Variants in SLC1A6 observed in about 807,000 individuals in gnomAD.
SLC1A6 encodes excitatory amino acid transporter 4.
Under a neutral mutation model 42.1 loss-of-function variants are expected in SLC1A6, and 15 were observed. The observed-to-expected ratio is 0.36, with a 90% CI of 0.24 to 0.55. SLC1A6 has a LOEUF of 0.55. Among genes scored for constraint, SLC1A6 ranks in the 20% least tolerant of loss-of-function variants. The pLI is 0.88. For synonymous variants in SLC1A6, 317 were observed against 319.7 expected (o/e 0.99, Z 0.09); for missense variants, 542 against 772.5 (o/e 0.70, Z 3.54).
chr19:14,993,336 G>C (rs746241213), intron 1 of SLC1A6, among the ~76,000 whole-genome samples: 2 of 151,966 alleles, frequency 1.3e-5, no homozygotes, highest in Non-Finnish European at 2.9e-5. Flanking sequence ...TCCTTCTGGG[G>C]GGGTGAAAGC....
In SLC1A6 at chr19:15,010,522, G is replaced by A. The variant is rs567195833; in HGVS notation, c.-32C>T. On this transcript the variant is annotated 5_prime_UTR_variant, in exon 1 of 9. Coordinates refer to the SLC1A6 transcript ENST00000430939. ...GAGTGTGACCTGGACAGCTGGAAGC[G>A]CTTAGGACATCCTAAAGCTGGAAGA... The A allele has an allele frequency of 5.9e-5, 36 of 607,890 alleles. No homozygotes were observed. In the East Asian group the frequency reaches 8.7e-4, roughly 15 times the overall value. 37.7% of individuals were successfully genotyped at this position (607,890 alleles called of 1,614,324 possible).
At chr19:15,002,570 C>T (rs2045876976) in intron 1 of SLC1A6, among the ~76,000 whole-genome samples, 1 of 152,214 alleles carries the variant, frequency 6.6e-6, no homozygotes, top group South Asian at 2.1e-4. Context: ...AGTGACACAT[C>T]AGGTCCAGCC....
intron 9 of SLC1A6, 97 bp downstream of exon 9, chr19:14,952,831 C>A: frequency 6.9e-7 from 1 of 1,446,718 alleles, no homozygotes; most frequent in South Asian, 1.6e-5. Flanking sequence ...ACCACTGCAT[C>A]TTTGCTGGAA....
At chr19:14,996,891 A>T (rs964232998) in intron 1 of SLC1A6, among the ~76,000 whole-genome samples, 2 of 151,950 alleles carry the variant, frequency 1.3e-5, no homozygotes, top group Non-Finnish European at 2.9e-5. Flanking sequence ...CTTGCTCTGC[A>T]CCCCAGGTGG....
intron 1 of SLC1A6, among the ~76,000 whole-genome samples, chr19:15,002,765 G>A (rs530937120): frequency 6.6e-6 from 1 of 152,178 alleles, no homozygotes; most frequent in Non-Finnish European, 1.5e-5. Flanking sequence ...CACAGGGGAG[G>A]GGATTCAAGT....
chr19:15,010,144 C>T (rs376745808), intron 1 of SLC1A6, among the ~76,000 whole-genome samples: 4 of 147,548 alleles, frequency 2.7e-5, no homozygotes, highest in African/African-American at 7.5e-5. Context: ...CCAGCTCGCA[C>T]CACTGCACTC....
intron 1 of SLC1A6, among the ~76,000 whole-genome samples, chr19:15,008,456 T>C (rs564040159): frequency 2.0e-5 from 3 of 152,278 alleles, no homozygotes; most frequent in African/African-American, 7.2e-5. Flanking sequence ...TATACACTGT[T>C]GGTGGGGATG....
chr19:14,956,846 C>T, intron 6 of SLC1A6, 137 bp from the exon 7 acceptor site: 1 of 594,932 alleles, frequency 1.7e-6, no homozygotes, highest in South Asian at 2.1e-5. Flanking sequence ...CTACTCCATC[C>T]CAGTCTTCCC....
rs757424349 is a variant in SLC1A6, at chr19:14,962,356, G to C, written c.592-11C>G. On this transcript the variant is annotated splice_polypyrimidine_tract_variant and intron_variant, in intron 5 of 9. Transcript: ENST00000594383. ...GTACTGCGTCTTGAACTGAAATAGA[G>C]AGAGATTGCGCCCAGATTCAATTCA... 1.1e-5 allele frequency: 18 copies of C among 1,598,604 alleles called. No homozygotes were observed. Among genetic ancestry groups the C allele is most frequent in the African/African-American group, 4.0e-5 (3 of 74,576 alleles).
At chr19:14,961,911 A>T in intron 6 of SLC1A6, 91 bp downstream of exon 6, 1 of 1,505,076 alleles carries the variant, frequency 6.6e-7, no homozygotes, top group Non-Finnish European at 8.8e-7. Flanking sequence ...ATGAATGACC[A>T]AAAGTCCCCA....
At chr19:14,987,027 A>G (rs2045796152) in intron 1 of SLC1A6, among the ~76,000 whole-genome samples, 1 of 152,168 alleles carries the variant, frequency 6.6e-6, no homozygotes, top group South Asian at 2.1e-4. Context: ...TAACACAGTG[A>G]AAAAAGGCAA....
Position 14,971,825 on chromosome 19 carries a change from C to T in SLC1A6, c.255G>A (p.Gln85=). 6.2e-7 allele frequency: 1 copy of T among 1,614,206 alleles called. No homozygotes were observed. Among genetic ancestry groups the T allele is most frequent in the Non-Finnish European group, 8.5e-7 (1 of 1,180,036 alleles). Residue 85 remains glutamine (Q), a synonymous_variant, in exon 3 of 10, where the codon CAG becomes CAA. Coordinates refer to ENST00000594383, the MANE Select transcript of SLC1A6 (RefSeq NM_005071.3). ...CTCCAGGAAAAGAGAAGTACTTGATCTGGCGGTAGGTGAGCTGATATGGGC... is the reference window on the plus strand; with the variant it reads ...CTCCAGGAAAAGAGAAGTACTTGATTTGGCGGTAGGTGAGCTGATATGGGC... The part of the protein sequence containing the change: ...ALRPYQLTYR[Q]IKYFSFPGEL...
At chr19:14,952,056 C>A (rs555471348) in intron 9 of SLC1A6, among the ~76,000 whole-genome samples, 2 of 152,130 alleles carry the variant, frequency 1.3e-5, no homozygotes, top group African/African-American at 4.8e-5. Context: ...AAGCAATCCA[C>A]CTGCTTTGGC....
intron 4 of SLC1A6, among the ~76,000 whole-genome samples, chr19:14,966,610 G>T (rs758836520): frequency 3.3e-5 from 5 of 152,044 alleles, no homozygotes; most frequent in African/African-American, 4.8e-5. Flanking sequence ...CAATAGCAAA[G>T]ACTTGGAACT....
Position 14,951,253 on chromosome 19 carries a change from C to CA in SLC1A6, c.1500-864dup, listed in dbSNP as rs1164185118. Among the ~76,000 whole-genome samples the CA allele has an allele frequency of 4.9e-3, 427 of 86,836 alleles. 12 individuals carry two copies. The highest frequency in any genetic ancestry group is 0.01 in the South Asian group (26 of 2,540). The allele number at this position is 86,836 out of a possible 152,430, so 57.0% of individuals were successfully genotyped here. The stretch of plus-strand genomic sequence containing the variant: ...GGTGACAGAGCAAGACTCTGTCTCA[C>CA]AAAAAAAAAAAAAAAAAAAAAAAAA... On this transcript the variant is annotated intron_variant, in intron 9 of 9. Coordinates refer to ENST00000594383, the MANE Select transcript of SLC1A6 (RefSeq NM_005071.3).
chr19:14,961,604 T>C, intron 6 of SLC1A6: 1 of 175,062 alleles, frequency 5.7e-6, no homozygotes, highest in Admixed American at 5.7e-5. Flanking sequence ...AATAAATGCA[T>C]GAGGAAATGA....
intron 1 of SLC1A6, among the ~76,000 whole-genome samples, chr19:15,007,915 C>A (rs975482841): frequency 6.6e-6 from 1 of 151,866 alleles, no homozygotes; most frequent in South Asian, 2.1e-4. Flanking sequence ...ATCCCAGCTA[C>A]CCGGGAGGCT....
At chr19:14,976,568 TAGAGA>T (rs1394511494) in intron 1 of SLC1A6, among the ~76,000 whole-genome samples, 4 of 152,174 alleles carry the variant, frequency 2.6e-5, no homozygotes, top group Non-Finnish European at 5.9e-5. Flanking sequence ...GTATTTTTAG[TAGAGA>T]CGGGGTTTCA....
At chr19:15,002,734 A>G (rs1373338884) in intron 1 of SLC1A6, among the ~76,000 whole-genome samples, 1 of 152,164 alleles carries the variant, frequency 6.6e-6, no homozygotes, top group East Asian at 1.9e-4. Context: ...GTAGAGGTGA[A>G]AAAGAAAACA....
Sources: allele counts gnomAD v4.1 joint callset (sites outside exome capture counted in the v4.1 genomes callset), GRCh38; gene constraint gnomAD v4.1.1; transcripts MANE v1.5; gene names NCBI Gene and HGNC (gene_info 2026-07-23, HGNC 2026-07-21).